Variants in ADGRL2 observed in about 807,000 individuals in gnomAD.
ADGRL2 encodes the protein adhesion G protein-coupled receptor L2.
ADGRL2 carries 44 observed loss-of-function variants against 157.4 expected under a neutral mutation model. The observed-to-expected ratio is 0.28, with a 90% CI of 0.22 to 0.36. The LOEUF (loss-of-function observed/expected upper bound fraction) is 0.36, where lower values mean the gene tolerates loss of function less well. ADGRL2 is among the 10% of genes least tolerant of loss of function. The pLI is 1.00. For synonymous variants in ADGRL2, 585 were observed against 624.7 expected (o/e 0.94, Z 0.95); for missense variants, 1,510 against 1,768.9 (o/e 0.85, Z 2.63).
intron 1 of ADGRL2, among the ~76,000 whole-genome samples, chr1:81,321,840 A>G (rs1660523843): frequency 6.6e-6 from 1 of 151,662 alleles, no homozygotes; most frequent in Admixed American, 6.6e-5. Flanking sequence ...GTTGAAAAAA[A>G]AAAATGATGC....
intron 2 of ADGRL2, among the ~76,000 whole-genome samples, chr1:81,883,240 T>A (rs994554957): frequency 2.0e-5 from 3 of 152,200 alleles, no homozygotes; most frequent in African/African-American, 4.8e-5. Flanking sequence ...GAGAATTTTT[T>A]AAAAAATTAT....
intron 3 of ADGRL2, among the ~76,000 whole-genome samples, chr1:81,582,666 A>T (rs1291290029): frequency 6.6e-6 from 1 of 152,172 alleles, no homozygotes; most frequent in African/African-American, 2.4e-5. Context: ...AAGGTTACAG[A>T]ATAGACCAAT....
chr1:81,969,527 G>C (rs1658112065), intron 15 of ADGRL2, 140 bp downstream of exon 15: 3 of 599,032 alleles, frequency 5.0e-6, no homozygotes, highest in Admixed American at 6.5e-5. Context: ...ACAATTTGTA[G>C]TAAATTAAAA....
At chr1:81,713,790 G>T (rs1348492778) in intron 1 of ADGRL2, among the ~76,000 whole-genome samples, 1 of 152,100 alleles carries the variant, frequency 6.6e-6, no homozygotes, top group Non-Finnish European at 1.5e-5. Context: ...GACCCTGAGG[G>T]GCTTGTCTCA....
At chr1:81,886,045 G>A in intron 2 of ADGRL2, among the ~76,000 whole-genome samples, 1 of 152,162 alleles carries the variant, frequency 6.6e-6, no homozygotes, top group East Asian at 1.9e-4. Context: ...TATCTTCAAA[G>A]CAGCCTGGTT....
At chr1:81,931,976 A>T (rs778954556) in intron 3 of ADGRL2, among the ~76,000 whole-genome samples, 78 of 152,154 alleles carry the variant, frequency 5.1e-4, no homozygotes, top group Non-Finnish European at 6.3e-4. Context: ...AGGCCTACTT[A>T]TGCCTCTGAG....
chr1:81,383,495 TC>T (rs1396490548), intron 1 of ADGRL2, among the ~76,000 whole-genome samples: 1 of 151,958 alleles, frequency 6.6e-6, no homozygotes, highest in Non-Finnish European at 1.5e-5. Flanking sequence ...AACAAAAACT[TC>T]TCTAGAAAAG....
intron 2 of ADGRL2, among the ~76,000 whole-genome samples, chr1:81,499,589 T>C (rs769029068): frequency 1.3e-5 from 2 of 152,336 alleles, no homozygotes; most frequent in Admixed American, 6.5e-5. Context: ...ATCTATGCCC[T>C]TGTGAGAACC....
chr1:81,463,295 A>C (rs1049931554), intron 2 of ADGRL2, among the ~76,000 whole-genome samples: 3 of 151,872 alleles, frequency 2.0e-5, no homozygotes, highest in Non-Finnish European at 2.9e-5. Context: ...TGAGACTCAA[A>C]TTCTTCCTCA....
At chr1:81,550,904 G>C (rs1397092315) in intron 2 of ADGRL2, among the ~76,000 whole-genome samples, 2 of 152,022 alleles carry the variant, frequency 1.3e-5, no homozygotes, top group Admixed American at 1.3e-4. Context: ...AGGGAATCTA[G>C]AGTCAAAACA....
At chr1:81,459,707 CACACACACATAT>C (rs980658572) in intron 2 of ADGRL2, among the ~76,000 whole-genome samples, 1 of 151,692 alleles carries the variant, frequency 6.6e-6, no homozygotes, top group African/African-American at 2.4e-5. Flanking sequence ...TATATATACA[CACACACACATAT>C]ACACACACAT....
chr1:81,449,689 C>T (rs951395725), intron 2 of ADGRL2, among the ~76,000 whole-genome samples: 1 of 152,100 alleles, frequency 6.6e-6, no homozygotes, highest in Non-Finnish European at 1.5e-5. Flanking sequence ...GCAGCCTTGA[C>T]CTTCCAGGGT....
chr1:81,552,049 GA>G (rs1403284502), intron 2 of ADGRL2, among the ~76,000 whole-genome samples: 1 of 152,040 alleles, frequency 6.6e-6, no homozygotes, highest in Non-Finnish European at 1.5e-5. Context: ...TTTGGCCTGG[GA>G]AAAAATGTTT....
rs1052743395 is a variant in ADGRL2 at position 81,385,058 on chromosome 1, G to A, written c.-301-59978G>A. On this transcript the variant is annotated intron_variant, in intron 1 of 24. Coordinates refer to the ADGRL2 transcript ENST00000370721. The stretch of plus-strand genomic sequence containing the variant: ...GTTCTACATACGTTGCCTGTACTCA[G>A]GTAGTCTTTGATAAATATATAAAAA... 2.0e-5 allele frequency among the ~76,000 whole-genome samples: 3 copies of A among 152,158 alleles called. No homozygotes were observed. The Middle Eastern group carries it at 0.01, about 518-fold the overall frequency.
At chr1:81,754,780 G>T (rs192536591) in intron 1 of ADGRL2, among the ~76,000 whole-genome samples, 2 of 139,984 alleles carry the variant, frequency 1.4e-5, no homozygotes. Context: ...TTCTTGCTTT[G>T]TAGCTTTGGA....
intron 1 of ADGRL2, among the ~76,000 whole-genome samples, chr1:81,715,900 T>C (rs1338915797): frequency 2.6e-5 from 4 of 152,124 alleles, no homozygotes; most frequent in Admixed American, 2.6e-4. Flanking sequence ...AAAGGTAAGA[T>C]GTTCTGTTCC....
rs192160305 is a variant in ADGRL2, at chr1:81,435,824, C to T, written c.-301-9212C>T. Among the ~76,000 whole-genome samples the T allele has an allele frequency of 9.3e-4, 142 of 152,228 alleles. 1 individual carries two copies. Among genetic ancestry groups the T allele is most frequent in the South Asian group, 6.2e-4 (3 of 4,826 alleles). ...AAATCATACATCTTCAGACAGGGTG[C>T]GGTGGCTCATGCCTGTAATCCCAGC... On this transcript the variant is annotated intron_variant, in intron 1 of 24. Transcript: ENST00000370721.
chr1:81,729,271 T>G (rs538231181), intron 1 of ADGRL2, among the ~76,000 whole-genome samples: 273 of 152,196 alleles, frequency 1.8e-3, no homozygotes, highest in Admixed American at 4.8e-3. Context: ...TGTTTTGCCA[T>G]TTGTCCCTGT....
chr1:81,308,952 A>C (rs1659539201), intron 1 of ADGRL2, among the ~76,000 whole-genome samples: 1 of 152,318 alleles, frequency 6.6e-6, no homozygotes, highest in Non-Finnish European at 1.5e-5. Flanking sequence ...TAGAACTGGT[A>C]AACTTTATGG....
Sources: gnomAD v4.1 joint callset for allele counts (sites outside exome capture counted in the v4.1 genomes callset) on GRCh38, gnomAD v4.1.1 for gene constraint, MANE v1.5 for transcripts, NCBI Gene and HGNC (gene_info 2026-07-23, HGNC 2026-07-21) for gene names.